Variants in GRM5 observed in about 807,000 individuals in gnomAD.
GRM5 encodes metabotropic glutamate receptor 5.
Under a neutral mutation model 83.1 loss-of-function variants are expected in GRM5, and 19 were observed. That is an observed-to-expected ratio of 0.23 (90% CI 0.16 to 0.34). The LOEUF (loss-of-function observed/expected upper bound fraction) is 0.34, where lower values mean the gene tolerates loss of function less well. Ranked by LOEUF, GRM5 falls within the 10% of genes least tolerant of loss-of-function variation. The pLI is 1.00. For synonymous variants in GRM5, 675 were observed against 633.6 expected (o/e 1.07, Z -0.98); for missense variants, 1,160 against 1,588.3 (o/e 0.73, Z 4.58).
At chr11:88,787,025 A>C (rs1475594368) in intron 3 of GRM5, among the ~76,000 whole-genome samples, 1 of 152,160 alleles carries the variant, frequency 6.6e-6, no homozygotes. Flanking sequence ...AAAGACTGAC[A>C]GTATACAAGT....
At chr11:88,990,286 C>T (rs1413549446) in intron 2 of GRM5, among the ~76,000 whole-genome samples, 1 of 152,116 alleles carries the variant, frequency 6.6e-6, no homozygotes, top group Non-Finnish European at 1.5e-5. Context: ...TTCCTCGACC[C>T]ATACACTTTC....
intron 4 of GRM5, among the ~76,000 whole-genome samples, chr11:88,608,775 C>G (rs982783725): frequency 2.6e-5 from 4 of 152,112 alleles, no homozygotes; most frequent in African/African-American, 9.7e-5. Flanking sequence ...CCCCACTTGG[C>G]CTCCCAAAGT....
chr11:88,806,846 C>A (rs1273127027), intron 3 of GRM5, among the ~76,000 whole-genome samples: 1 of 152,060 alleles, frequency 6.6e-6, no homozygotes, highest in Non-Finnish European at 1.5e-5. Flanking sequence ...ACTAATTGAT[C>A]CCCAGATAGT....
intron 2 of GRM5, among the ~76,000 whole-genome samples, chr11:88,882,949 C>T (rs950664690): frequency 5.9e-5 from 9 of 152,132 alleles, no homozygotes; most frequent in African/African-American, 2.2e-4. Flanking sequence ...CCTGCCTATG[C>T]TCTCTCTCCT....
chr11:88,506,247 A>C lies in GRM5; in HGVS notation c.*2345T>G, dbSNP rs1332680874. ...GAGATATGTTACTAAAAAAATAGAA[A>C]ATGAATTTGACCATGAACAAAGTTT... On this transcript the variant is annotated 3_prime_UTR_variant, in exon 10 of 10. Coordinates refer to ENST00000305447, the MANE Select transcript of GRM5 (RefSeq NM_001143831.3). 1.3e-5 allele frequency: 2 copies of C among 152,210 alleles called. No individual in the cohort carries two copies. The highest frequency in any genetic ancestry group is 4.8e-5 in the African/African-American group (2 of 41,450). 9.4% of individuals were successfully genotyped at this position (152,210 alleles called of 1,614,324 possible). A position where few individuals can be genotyped will look rare whatever the true frequency, so the allele number is the denominator to read the frequency against.
chr11:88,624,472 G>A (rs1020632416), intron 4 of GRM5, among the ~76,000 whole-genome samples: 1 of 152,168 alleles, frequency 6.6e-6, no homozygotes, highest in African/African-American at 2.4e-5. Flanking sequence ...CAAAGAGAAT[G>A]ATAAATATGG....
At chr11:88,682,204 C>A (rs1940513623) in intron 3 of GRM5, among the ~76,000 whole-genome samples, 1 of 152,100 alleles carries the variant, frequency 6.6e-6, no homozygotes, top group Admixed American at 6.6e-5. Context: ...GTATCCAGGC[C>A]AGACCTCTCT....
rs1441410639 is a variant in GRM5, at chr11:89,015,954, AG to A, written c.661+31257del. Among the ~76,000 whole-genome samples the A allele has an allele frequency of 3.3e-5, 5 of 152,174 alleles. No homozygotes were observed. In the South Asian group the frequency reaches 8.3e-4, roughly 25 times the overall value. Reference sequence around the variant, plus strand: ...GAAGGCATGATATATTTGCCACTTGAGGTCCTCCCTGTTTCTAAAAGTGATC... The same window carrying A: ...GAAGGCATGATATATTTGCCACTTGAGTCCTCCCTGTTTCTAAAAGTGATC... On this transcript the variant is annotated intron_variant, in intron 2 of 9. Coordinates refer to ENST00000305447, the MANE Select transcript of GRM5 (RefSeq NM_001143831.3).
intron 4 of GRM5, among the ~76,000 whole-genome samples, chr11:88,610,957 T>C (rs1216329212): frequency 6.6e-6 from 1 of 152,210 alleles, no homozygotes; most frequent in Non-Finnish European, 1.5e-5. Context: ...GAAGGCTTTT[T>C]CTGCATCTAT....
At chr11:88,670,724 G>A (rs1235536155) in intron 3 of GRM5, among the ~76,000 whole-genome samples, 1 of 151,996 alleles carries the variant, frequency 6.6e-6, no homozygotes, top group African/African-American at 2.4e-5. Flanking sequence ...TTAATCATTA[G>A]GAGAATACAA....
chr11:88,793,458 C>T (rs940654770), intron 3 of GRM5, among the ~76,000 whole-genome samples: 1 of 152,046 alleles, frequency 6.6e-6, no homozygotes, highest in South Asian at 2.1e-4. Context: ...GATGGTAGAA[C>T]CGTAGTATCA....
chr11:89,044,532 G>A (rs1243305764), intron 2 of GRM5, among the ~76,000 whole-genome samples: 4 of 152,008 alleles, frequency 2.6e-5, no homozygotes, highest in African/African-American at 7.2e-5. Flanking sequence ...GACACAGTAC[G>A]GTTAGGTTTA....
At chr11:89,054,507 G>T (rs1941830568) in intron 1 of GRM5, among the ~76,000 whole-genome samples, 1 of 152,162 alleles carries the variant, frequency 6.6e-6, no homozygotes, top group Non-Finnish European at 1.5e-5. Flanking sequence ...CTGAAGAGAG[G>T]TCTGAACAGG....
At chr11:89,008,825 A>T (rs1591043438) in intron 2 of GRM5, among the ~76,000 whole-genome samples, 1 of 152,178 alleles carries the variant, frequency 6.6e-6, no homozygotes, top group Admixed American at 6.5e-5. Flanking sequence ...AATCAAGAAA[A>T]ATCATGTTTA....
At chr11:88,759,415 G>C (rs191997645) in intron 3 of GRM5, among the ~76,000 whole-genome samples, 1 of 152,036 alleles carries the variant, frequency 6.6e-6, no homozygotes, top group African/African-American at 2.4e-5. Flanking sequence ...AAAAAAAGCA[G>C]GCATTGCAAT....
In GRM5 at chr11:89,047,375, G is replaced by A. The variant is rs1451841563; in HGVS notation, c.498C>T (p.Asn166=). Residue 166 remains asparagine (N), a synonymous_variant, in exon 2 of 10, where the codon AAC becomes AAT. Coordinates refer to ENST00000305447, the MANE Select transcript of GRM5 (RefSeq NM_001143831.3). This position sits in a 1 kb window ranked among gnomAD's most constrained non-coding sequence, Gnocchi z 5.1. ...IQVQNLLQLF[N]IPQIAYSATS... ...TTGCTGAGTAAGCAATCTGAGGTAT[G>A]TTGAAAAGCTGGAGCAAATTCTGGA... 1 of 1,614,068 alleles carries A rather than the reference G, an allele frequency of 6.2e-7. No homozygotes were observed. Among genetic ancestry groups the A allele is most frequent in the Admixed American group, 1.7e-5 (1 of 60,018 alleles).
Position 89,057,438 on chromosome 11 carries a change from A to G in GRM5, c.-201+8338T>C, listed in dbSNP as rs374137312. Among the ~76,000 whole-genome samples the G allele has an allele frequency of 2.6e-5, 4 of 151,836 alleles. No individual in the cohort carries two copies. The East Asian group carries it at 7.7e-4, about 29-fold the overall frequency. On this transcript the variant is annotated intron_variant, in intron 1 of 9. Transcript: ENST00000305447. ...AAATATAGGCCATATTTTAACTGAA[A>G]CCCCCTCAACAAAAAAAGGGCCATA...
chr11:88,887,458 T>A (rs559549023), intron 2 of GRM5, among the ~76,000 whole-genome samples: 1 of 152,184 alleles, frequency 6.6e-6, no homozygotes, highest in South Asian at 2.1e-4. Flanking sequence ...CACACAAGTC[T>A]AGGAAGTCAA....
At chr11:88,762,148 A>G (rs1942532482) in intron 3 of GRM5, among the ~76,000 whole-genome samples, 1 of 152,118 alleles carries the variant, frequency 6.6e-6, no homozygotes, top group African/African-American at 2.4e-5. Flanking sequence ...TATGACAAAG[A>G]CACCAGAAGC....
Sources: allele counts gnomAD v4.1 joint callset (sites outside exome capture counted in the v4.1 genomes callset), GRCh38; gene constraint gnomAD v4.1.1; non-coding constraint Gnocchi (gnomAD v3.1); transcripts MANE v1.5; gene names NCBI Gene and HGNC (gene_info 2026-07-23, HGNC 2026-07-21).